Variants in CATSPERE observed in about 807,000 individuals in gnomAD.
The protein encoded by CATSPERE is catsper channel auxiliary subunit epsilon.
In CATSPERE, 93 loss-of-function variants were observed where a neutral mutation model predicts 114.1. That is an observed-to-expected ratio of 0.81 (90% CI 0.69 to 0.97). The LOEUF is 0.97. CATSPERE is among the 50% of genes least tolerant of loss of function. The pLI is 0.00. For synonymous variants in CATSPERE, 341 were observed against 384.1 expected, an observed-to-expected ratio of 0.89 and a Z score of 1.31; for missense variants, 1,058 against 1,131.6, an observed-to-expected ratio of 0.93 and a Z score of 0.93.
intron 5 of CATSPERE, among the ~76,000 whole-genome samples, chr1:244,490,034 G>A (rs4575070): frequency 0.071 from 10,747 of 152,230 alleles, 411 homozygotes; most frequent in East Asian, 0.17. Flanking sequence ...TTAGAAATGT[G>A]TGAGGATGAA....
At chr1:244,497,406 CA>C (rs535409873) in intron 6 of CATSPERE, among the ~76,000 whole-genome samples, 14 of 147,602 alleles carry the variant, frequency 9.5e-5, no homozygotes, top group African/African-American at 1.2e-4. Flanking sequence ...AACAATCCAA[CA>C]AAAAAAAAAT....
At chr1:244,489,450 A>ATTT (rs10524749) in intron 5 of CATSPERE, among the ~76,000 whole-genome samples, 2,000 of 85,406 alleles carry the variant, frequency 0.023, 233 homozygotes, top group South Asian at 0.037. Context: ...AAGCATGCAG[A>ATTT]TTTTTTTTTT....
At position 244,640,142 on chromosome 1, in the gene CATSPERE, T is replaced by A. The variant is rs12093760; in HGVS notation, c.*61T>A. 117 of 1,325,536 alleles carry A rather than the reference T, an allele frequency of 8.8e-5. No homozygotes were observed. In the African/African-American group the frequency reaches 1.2e-3, roughly 13 times the overall value. The allele number at this position is 1,325,536 out of a possible 1,614,324, so 82.1% of individuals were successfully genotyped here. On this transcript the variant is annotated 3_prime_UTR_variant, in exon 22 of 22. Coordinates refer to ENST00000366534, the MANE Select transcript of CATSPERE (RefSeq NM_001130957.2). ...TATAGAGAAACAGTGTATTACATAG[T>A]GATATTGAGAGTGTGTGTTTGACCA...
intron 6 of CATSPERE, among the ~76,000 whole-genome samples, chr1:244,490,967 G>A (rs1238957046): frequency 6.6e-6 from 1 of 151,996 alleles, no homozygotes; most frequent in Non-Finnish European, 1.5e-5. Context: ...TAAAACAAAA[G>A]CCTTGTAGGA....
At chr1:244,604,375 T>G (rs898260637) in intron 17 of CATSPERE, among the ~76,000 whole-genome samples, 3 of 152,244 alleles carry the variant, frequency 2.0e-5, no homozygotes, top group African/African-American at 7.2e-5. Flanking sequence ...ATTTAAAATT[T>G]TTGTCCCCAG....
chr1:244,637,395 G>T (rs1674764801), intron 21 of CATSPERE, among the ~76,000 whole-genome samples: 1 of 151,926 alleles, frequency 6.6e-6, no homozygotes, highest in African/African-American at 2.4e-5. Flanking sequence ...CCACATCCTT[G>T]GTGACCTCCC....
chr1:244,503,565 T>G (rs1674388477), intron 7 of CATSPERE, among the ~76,000 whole-genome samples: 1 of 152,220 alleles, frequency 6.6e-6, no homozygotes, highest in South Asian at 2.1e-4. Context: ...TCTGACCAAC[T>G]TCTAGGTTGC....
Position 244,463,963 on chromosome 1 carries a change from G to T in CATSPERE, c.114+7G>T, listed in dbSNP as rs373826554. 1.3e-6 allele frequency: 2 copies of T among 1,584,574 alleles called. No individual in the cohort carries two copies. Among genetic ancestry groups the T allele is most frequent in the East Asian group, 2.2e-5 (1 of 44,692 alleles). On this transcript the variant is annotated splice_region_variant and intron_variant, in intron 2 of 21. Transcript: ENST00000366534. ...TTTTAGTACCAGAAGTACTGTAAGTGTTGAATTTTTAATAAACTATAGTTA... is the reference window on the plus strand; with the variant it reads ...TTTTAGTACCAGAAGTACTGTAAGTTTTGAATTTTTAATAAACTATAGTTA...
intron 8 of CATSPERE, among the ~76,000 whole-genome samples, chr1:244,531,192 AGCCACT>A (rs904765371): frequency 2.0e-5 from 3 of 149,112 alleles, no homozygotes; most frequent in Admixed American, 6.8e-5. Flanking sequence ...GGAGAGATAG[AGCCACT>A]GCACTCCAGC....
intron 21 of CATSPERE, among the ~76,000 whole-genome samples, chr1:244,637,676 A>G (rs1055237980): frequency 3.3e-5 from 5 of 151,402 alleles, no homozygotes; most frequent in African/African-American, 9.7e-5. Flanking sequence ...GTACACCCTC[A>G]CCCCTCTGGG....
At position 244,572,768 on chromosome 1, in the gene CATSPERE, C is replaced by T; in HGVS notation, c.1946C>T (p.Thr649Ile). The T allele has an allele frequency of 6.5e-7, 1 of 1,549,290 alleles. No homozygotes were observed. ...FEAAFGYCTK[T>I]LTLTFYQNVD... is the part of the protein sequence containing the mutation. ...GCTGCCTTTGGATACTGCACCAAAA[C>T]TCTGGTAAGCTAATATTTTAAATTT... Residue 649 changes from threonine to isoleucine, a missense_variant, in exon 11 of 22, where the codon ACT (threonine) becomes ATT (isoleucine). By Grantham distance (89) the Thr-to-Ile change is moderately conservative. Coordinates refer to ENST00000366534, the MANE Select transcript of CATSPERE (RefSeq NM_001130957.2).
intron 1 of CATSPERE, among the ~76,000 whole-genome samples, chr1:244,462,178 C>A (rs1465582481): frequency 6.6e-6 from 1 of 152,090 alleles, no homozygotes; most frequent in Non-Finnish European, 1.5e-5. Flanking sequence ...CCTTCTTTTG[C>A]CAGAGGAGAG....
In CATSPERE at chr1:244,633,515, A is replaced by G. The variant is rs1213885227; in HGVS notation, c.2649-1974A>G. 1.3e-5 allele frequency among the ~76,000 whole-genome samples: 2 copies of G among 152,184 alleles called. No individual in the cohort carries two copies. The highest frequency in any genetic ancestry group is 4.8e-5 in the African/African-American group (2 of 41,440). On this transcript the variant is annotated intron_variant, in intron 20 of 21. Coordinates refer to ENST00000366534, the MANE Select transcript of CATSPERE (RefSeq NM_001130957.2). This position sits in a 1 kb window ranked among gnomAD's most constrained non-coding sequence, Gnocchi z 4.1. ...AAATCACTTTACAAACTGCTATTGA[A>G]TTAAATTCAAAAACAGTCATGACTC...
chr1:244,640,105 C>A lies in CATSPERE; in HGVS notation c.*24C>A. 6.7e-7 allele frequency: 1 copy of A among 1,500,522 alleles called. No individual in the cohort carries two copies. Among genetic ancestry groups the A allele is most frequent in the Non-Finnish European group, 9.1e-7 (1 of 1,103,328 alleles). The allele number at this position is 1,500,522 out of a possible 1,614,324, so 93.0% of individuals were successfully genotyped here. ...AGGAAAACTGAAAGTTTGTTTATTACAGATATATGCATATAGAGAAACAGT... is the reference window on the plus strand; with the variant it reads ...AGGAAAACTGAAAGTTTGTTTATTAAAGATATATGCATATAGAGAAACAGT... On this transcript the variant is annotated 3_prime_UTR_variant, in exon 22 of 22. Coordinates refer to ENST00000366534, the MANE Select transcript of CATSPERE (RefSeq NM_001130957.2).
intron 8 of CATSPERE, among the ~76,000 whole-genome samples, chr1:244,540,040 C>A (rs1474947887): frequency 6.6e-6 from 1 of 151,452 alleles, no homozygotes; most frequent in Non-Finnish European, 1.5e-5. Context: ...GACAAACTCA[C>A]AGCCAATATC....
chr1:244,598,369 TA>T (rs1668722022), intron 17 of CATSPERE: 1 of 158,556 alleles, frequency 6.3e-6, no homozygotes. Flanking sequence ...GACACTACAA[TA>T]CACGTAAAAT....
In CATSPERE at chr1:244,584,040, A is replaced by G. The variant is rs574612964; in HGVS notation, c.2085+101A>G. The G allele has an allele frequency of 3.0e-4, 237 of 789,440 alleles. 2 individuals carry two copies. The South Asian group carries it at 3.8e-3, about 13-fold the overall frequency. 48.9% of individuals were successfully genotyped at this position (789,440 alleles called of 1,614,324 possible). A position where few individuals can be genotyped will look rare whatever the true frequency, so the allele number is the denominator to read the frequency against. On this transcript the variant is annotated intron_variant, in intron 13 of 21. Coordinates refer to ENST00000366534, the MANE Select transcript of CATSPERE (RefSeq NM_001130957.2). ...TACCTCCGTACAATACCTCCATGCA[A>G]TACCTCCATACAATACCTCCATAGA... is the stretch of plus-strand genomic sequence containing the variant.
chr1:244,525,990 G>A (rs1482656646), intron 8 of CATSPERE, among the ~76,000 whole-genome samples: 1 of 152,182 alleles, frequency 6.6e-6, no homozygotes, highest in Non-Finnish European at 1.5e-5. Context: ...GGCCTCATCT[G>A]TGGCCTCATG....
At chr1:244,580,980 G>A (rs924237688) in intron 11 of CATSPERE, among the ~76,000 whole-genome samples, 2 of 151,866 alleles carry the variant, frequency 1.3e-5, no homozygotes, top group African/African-American at 2.4e-5. Flanking sequence ...CAGCCTGGGC[G>A]ACAAGAGTGA....
Sources: gnomAD v4.1 joint callset for allele counts (sites outside exome capture counted in the v4.1 genomes callset) on GRCh38, gnomAD v4.1.1 for gene constraint, Gnocchi (gnomAD v3.1) non-coding constraint, MANE v1.5 for transcripts, NCBI Gene and HGNC (gene_info 2026-07-23, HGNC 2026-07-21) for gene names.